Variants in CD81 observed in about 807,000 individuals in gnomAD.
CD81 encodes CD81 antigen.
Under a neutral mutation model 30.1 loss-of-function variants are expected in CD81, and 10 were observed. The observed-to-expected ratio is 0.33, with a 90% CI of 0.21 to 0.56. The LOEUF is 0.56. Ranked by LOEUF, CD81 falls within the 20% of genes least tolerant of loss-of-function variation. CD81 has a pLI of 0.89. For synonymous variants in CD81, 147 were observed against 126.4 expected (o/e 1.16, Z -1.10); for missense variants, 263 against 308.7 (o/e 0.85, Z 1.11).
intron 1 of CD81, chr11:2,386,327 G>A (rs1849797601): frequency 1.6e-6 from 1 of 624,658 alleles, no homozygotes; most frequent in African/African-American, 1.8e-5. Flanking sequence ...TCTGCCCCAG[G>A]TCTTTCGGAG....
chr11:2,395,692 G>C lies in CD81; in HGVS notation c.459+172G>C, dbSNP rs78678325. The C allele has an allele frequency of 0.032, 24,029 of 743,684 alleles. 1,851 individuals are homozygous for C. The highest frequency in any genetic ancestry group is 0.23 in the African/African-American group (13,535 of 57,774). The allele number at this position is 743,684 out of a possible 1,614,324, so 46.1% of individuals were successfully genotyped here. A position where few individuals can be genotyped will look rare whatever the true frequency, so the allele number is the denominator to read the frequency against. ...TCGGGTGGGAACCTAGTGGGCCAGGGTGGCCCAGGGTGCGGAAAGCTCTGA... is the reference window on the plus strand; with the variant it reads ...TCGGGTGGGAACCTAGTGGGCCAGGCTGGCCCAGGGTGCGGAAAGCTCTGA... On this transcript the variant is annotated intron_variant, in intron 5 of 7. Transcript: ENST00000263645.
chr11:2,395,383 C>T lies in CD81; in HGVS notation c.355-33C>T, dbSNP rs200685318. The T allele has an allele frequency of 4.6e-6, 7 of 1,532,180 alleles. No individual in the cohort carries two copies. In the East Asian group the frequency reaches 1.3e-4, roughly 30 times the overall value. 94.9% of individuals were successfully genotyped at this position (1,532,180 alleles called of 1,614,324 possible). On this transcript the variant is annotated intron_variant, in intron 4 of 7. Transcript: ENST00000263645. The stretch of plus-strand genomic sequence containing the variant: ...GGGTGGGGGCAAGGAGGGGGAGGTT[C>T]CCCCTGTGCATGTGACCGCACCCCT...
upstream of CD81, chr11:2,376,407 G>A (rs149020461): frequency 1.1e-3 from 162 of 152,364 alleles, no homozygotes; most frequent in Non-Finnish European, 1.6e-3. Context: ...TTTTCTTGGA[G>A]AGGGCATGGG....
At chr11:2,384,885 G>A (rs938294303) in intron 1 of CD81, among the ~76,000 whole-genome samples, 10 of 152,152 alleles carry the variant, frequency 6.6e-5, no homozygotes, top group African/African-American at 2.4e-4. Flanking sequence ...ATGGGCCTGA[G>A]GTCGCCTTGG....
chr11:2,393,578 C>CA, intron 2 of CD81: 1 of 412,146 alleles, frequency 2.4e-6, no homozygotes, highest in South Asian at 3.3e-5. Flanking sequence ...AGGGCCCCCC[C>CA]ACCCTCTTCT....
Position 2,397,229 on chromosome 11 carries a change from G to A in CD81, c.*363G>A, listed in dbSNP as rs1299398239. The A allele has an allele frequency of 1.8e-5, 7 of 392,348 alleles. No individual in the cohort carries two copies. The highest frequency in any genetic ancestry group is 7.9e-4 in the Middle Eastern group (1 of 1,260). 24.3% of individuals were successfully genotyped at this position (392,348 alleles called of 1,614,324 possible). Reference sequence around the variant, plus strand: ...GGGGCTGTGTCCACCCAGCCCGCCCGTCCTGTGGGCTGCACAGCTCACCTT... The same window carrying A: ...GGGGCTGTGTCCACCCAGCCCGCCCATCCTGTGGGCTGCACAGCTCACCTT... On this transcript the variant is annotated 3_prime_UTR_variant, in exon 8 of 8. Coordinates refer to ENST00000263645, the MANE Select transcript of CD81 (RefSeq NM_004356.4).
rs1382570631 is a variant in CD81 at position 2,377,573 on chromosome 11, G to A, written c.24G>A (p.Lys8=). 1 of 1,525,028 alleles carries A rather than the reference G, an allele frequency of 6.6e-7. No individual in the cohort carries two copies. Among genetic ancestry groups the A allele is most frequent in the East Asian group, 2.7e-5 (1 of 37,624 alleles). 94.5% of individuals were successfully genotyped at this position (1,525,028 alleles called of 1,614,324 possible). MGVEGCT[K]CIKYLLFVFN... ...CCATGGGAGTGGAGGGCTGCACCAA[G>A]TGCATCAAGTACCTGCTCTTCGTCT... Residue 8 remains lysine, a synonymous_variant, in exon 1 of 8, where the codon AAG becomes AAA. Coordinates refer to ENST00000263645, the MANE Select transcript of CD81 (RefSeq NM_004356.4). This position sits in a 1 kb window ranked among gnomAD's most constrained non-coding sequence, Gnocchi z 7.7.
chr11:2,385,419 C>G (rs544683101), intron 1 of CD81, among the ~76,000 whole-genome samples: 1 of 152,230 alleles, frequency 6.6e-6, no homozygotes, highest in Non-Finnish European at 1.5e-5. Flanking sequence ...AACAAGCGGA[C>G]TCAGAAGGCA....
At chr11:2,393,674 G>A (rs1034421721) in intron 2 of CD81, 7 of 583,740 alleles carry the variant, frequency 1.2e-5, no homozygotes, top group Admixed American at 3.0e-5. Flanking sequence ...GGCCCACCCT[G>A]TGCCTTCTGA....
intron 1 of CD81, chr11:2,385,723 CCTT>C: frequency 2.4e-6 from 1 of 418,784 alleles, no homozygotes; most frequent in Non-Finnish European, 4.8e-6. Flanking sequence ...TGTGGTGTGC[CCTT>C]CGTCTGTTCC....
intron 1 of CD81, chr11:2,386,008 C>T (rs1323839847): frequency 7.0e-6 from 5 of 713,536 alleles, no homozygotes; most frequent in Admixed American, 6.0e-5. Flanking sequence ...TTCAAGGTGG[C>T]TGGACCGTTT....
At position 2,394,009 on chromosome 11, in the gene CD81, G is replaced by A. The variant is rs763439204; in HGVS notation, c.182-86G>A. The A allele has an allele frequency of 1.7e-5, 17 of 996,302 alleles. No individual in the cohort carries two copies. The East Asian group carries it at 2.9e-4, about 17-fold the overall frequency. 61.7% of individuals were successfully genotyped at this position (996,302 alleles called of 1,614,324 possible). ...CTACATCTTCCCAGCTGGGCGGCCC[G>A]TGGTGGGTTCGGCACCCAGGACCCT... On this transcript the variant is annotated intron_variant, in intron 2 of 7. Coordinates refer to ENST00000263645, the MANE Select transcript of CD81 (RefSeq NM_004356.4).
intron 1 of CD81, among the ~76,000 whole-genome samples, chr11:2,385,468 T>C (rs1849775391): frequency 6.7e-6 from 1 of 148,918 alleles, no homozygotes; most frequent in South Asian, 2.1e-4. Flanking sequence ...TGCTTCAGCA[T>C]GATTACCCAG....
At chr11:2,380,587 C>T (rs1849688785) in intron 1 of CD81, among the ~76,000 whole-genome samples, 1 of 152,164 alleles carries the variant, frequency 6.6e-6, no homozygotes, top group Admixed American at 6.5e-5. Flanking sequence ...CGGGCCCAAG[C>T]AGGGAGGACA....
At chr11:2,389,597 T>A (rs1044911960) in intron 1 of CD81, among the ~76,000 whole-genome samples, 2 of 152,000 alleles carry the variant, frequency 1.3e-5, no homozygotes, top group Non-Finnish European at 2.9e-5. Context: ...GTGAGCCTCA[T>A]CCCCACCTGC....
rs555653546 is a variant in CD81 at position 2,390,091 on chromosome 11, C to T, written c.67-321C>T. On this transcript the variant is annotated intron_variant, in intron 1 of 7. Coordinates refer to ENST00000263645, the MANE Select transcript of CD81 (RefSeq NM_004356.4). ...CCGTGCAATATTTGGGACACACTTA[C>T]CCTAAAGAAGTATTCTGTTTTCATC... 1.1e-5 allele frequency: 5 copies of T among 475,940 alleles called. No homozygotes were observed. The East Asian group carries it at 2.0e-4, about 19-fold the overall frequency. 29.5% of individuals were successfully genotyped at this position (475,940 alleles called of 1,614,324 possible).
At chr11:2,386,700 TC>T in intron 1 of CD81, 1 of 700,490 alleles carries the variant, frequency 1.4e-6, no homozygotes, top group Non-Finnish European at 2.7e-6. Context: ...CCAGGGTGGC[TC>T]CCGACTACTT....
At chr11:2,389,693 T>C (rs1445229892) in intron 1 of CD81, among the ~76,000 whole-genome samples, 4 of 151,998 alleles carry the variant, frequency 2.6e-5, no homozygotes, top group Non-Finnish European at 5.9e-5. Flanking sequence ...CCCCAGCCCA[T>C]CTTGGAAACC....
Position 2,377,796 on chromosome 11 carries a change from G to C in CD81, c.66+181G>C, listed in dbSNP as rs1429499716. 2.8e-5 allele frequency: 8 copies of C among 288,802 alleles called. No individual in the cohort carries two copies. The highest frequency in any genetic ancestry group is 5.2e-5 in the Non-Finnish European group (8 of 153,162). 17.9% of individuals were successfully genotyped at this position (288,802 alleles called of 1,614,324 possible). On this transcript the variant is annotated intron_variant, in intron 1 of 7. Coordinates refer to ENST00000263645, the MANE Select transcript of CD81 (RefSeq NM_004356.4). The surrounding 1 kb of genome is among the most constrained non-coding windows in gnomAD (Gnocchi z 7.7). Reference sequence around the variant, plus strand: ...GGGGCCACCGCGCCCCCCGACATTGGGGCTGAGGGCTGCGAGCCGAGTTTC... The same window carrying C: ...GGGGCCACCGCGCCCCCCGACATTGCGGCTGAGGGCTGCGAGCCGAGTTTC...
Sources: allele counts gnomAD v4.1 joint callset (sites outside exome capture counted in the v4.1 genomes callset), GRCh38; gene constraint gnomAD v4.1.1; non-coding constraint Gnocchi (gnomAD v3.1); transcripts MANE v1.5; gene names NCBI Gene and HGNC (gene_info 2026-07-23, HGNC 2026-07-21).